Variants in ATL3 observed in about 807,000 individuals in gnomAD.
ATL3 encodes the protein atlastin GTPase 3.
ATL3 carries 49 observed loss-of-function variants against 69.5 expected under a neutral mutation model. The observed-to-expected ratio is 0.71, with a 90% CI of 0.56 to 0.89. ATL3 has a LOEUF of 0.89. Among genes scored for constraint, ATL3 ranks in the 40% least tolerant of loss-of-function variants. ATL3 has a pLI of 0.00. For missense variants in ATL3, 606 were observed against 645.7 expected (o/e 0.94, Z 0.67); for synonymous variants, 214 against 224.1 (o/e 0.95, Z 0.40).
intron 3 of ATL3, among the ~76,000 whole-genome samples, chr11:63,654,043 A>G (rs1201068856): frequency 6.6e-6 from 1 of 152,214 alleles, no homozygotes; most frequent in Non-Finnish European, 1.5e-5. Flanking sequence ...AATGTATCAC[A>G]CTATTACAAG....
chr11:63,666,006 G>T (rs1940562914), intron 1 of ATL3, among the ~76,000 whole-genome samples: 1 of 152,078 alleles, frequency 6.6e-6, no homozygotes, highest in Admixed American at 6.6e-5. Flanking sequence ...TTAAGACTGG[G>T]TCTCACTCTG....
intron 3 of ATL3, among the ~76,000 whole-genome samples, chr11:63,655,450 CTTTT>C (rs779379886): frequency 1.5e-5 from 2 of 135,032 alleles, no homozygotes; most frequent in African/African-American, 2.7e-5. Flanking sequence ...CGCATCTGGC[CTTTT>C]TTTTTTTTTT....
intron 12 of ATL3, among the ~76,000 whole-genome samples, chr11:63,630,266 A>C (rs1223077725): frequency 6.6e-6 from 1 of 151,312 alleles, no homozygotes; most frequent in South Asian, 2.1e-4. Context: ...AAAAAAAAAA[A>C]ATACAGAAAT....
rs945590831 is a variant in ATL3, at chr11:63,668,747, CTAAGAA to C, written c.46+2537_46+2542del. Among the ~76,000 whole-genome samples the C allele has an allele frequency of 4.7e-5, 7 of 148,318 alleles. No individual in the cohort carries two copies. The East Asian group carries it at 9.8e-4, about 21-fold the overall frequency. The stretch of plus-strand genomic sequence containing the variant: ...TCAGTAACACTTTTGTATCTCTTTC[CTAAGAA>C]TAAGAATGCCACCAAAGGTTTGAAT... On this transcript the variant is annotated intron_variant, in intron 1 of 12. Coordinates refer to ENST00000398868, the MANE Select transcript of ATL3 (RefSeq NM_015459.5).
intron 1 of ATL3, among the ~76,000 whole-genome samples, chr11:63,669,195 A>G (rs1283502245): frequency 6.6e-6 from 1 of 152,064 alleles, no homozygotes; most frequent in Non-Finnish European, 1.5e-5. Context: ...ATCTGTTAAC[A>G]TACTTCAGCT....
At chr11:63,646,478 T>C (rs377524926) in intron 6 of ATL3, 29 bp downstream of exon 6, 9 of 1,338,682 alleles carry the variant, frequency 6.7e-6, no homozygotes, top group Non-Finnish European at 9.2e-6. Context: ...AACAAAGGTA[T>C]GAATTATATT....
At chr11:63,669,968 T>C (rs1290354070) in intron 1 of ATL3, among the ~76,000 whole-genome samples, 1 of 150,810 alleles carries the variant, frequency 6.6e-6, no homozygotes. Flanking sequence ...TAGCCGCGCA[T>C]GGTGGAGAGC....
At chr11:63,632,668 G>A in intron 11 of ATL3, 25 of 1,178,166 alleles carry the variant, frequency 2.1e-5, no homozygotes, top group Non-Finnish European at 3.0e-5. Flanking sequence ...CGGCCTCTGA[G>A]TGATTTTGGA....
In ATL3 at chr11:63,652,550, T is replaced by C; in HGVS notation, c.431A>G (p.Gln144Arg). ...KKVAVVLMDT[Q>R]GAFDSQSTVK... The stretch of plus-strand genomic sequence containing the variant: ...AGTTGACTGGCTGTCAAATGCCCCC[T>C]GGGTATCCATCAGAACAACTGCAAC... Residue 144 changes from glutamine to arginine, a missense_variant, in exon 4 of 13, where the codon CAG (glutamine) becomes CGG (arginine). Transcript: ENST00000398868. The C allele has an allele frequency of 6.2e-7, 1 of 1,611,270 alleles. No individual in the cohort carries two copies. The highest frequency in any genetic ancestry group is 1.3e-5 in the African/African-American group (1 of 74,968).
chr11:63,659,549 G>A (rs1940360274), intron 1 of ATL3, among the ~76,000 whole-genome samples: 1 of 152,092 alleles, frequency 6.6e-6, no homozygotes, highest in South Asian at 2.1e-4. Flanking sequence ...CTTGAGCCCA[G>A]GGGTTTGAGG....
intron 3 of ATL3, among the ~76,000 whole-genome samples, chr11:63,654,851 C>T (rs1040431589): frequency 3.3e-5 from 5 of 151,204 alleles, no homozygotes; most frequent in African/African-American, 1.2e-4. Context: ...TGCACACCAC[C>T]ATACCCGGCT....
chr11:63,631,006 A>G (rs750605896), intron 12 of ATL3, 34 bp downstream of exon 12: 1 of 1,551,192 alleles, frequency 6.4e-7, no homozygotes, highest in Non-Finnish European at 8.7e-7. Context: ...TCTGCCCATT[A>G]TCAACCCTCA....
intron 10 of ATL3, among the ~76,000 whole-genome samples, chr11:63,633,992 G>A (rs1212107294): frequency 1.5e-5 from 2 of 134,742 alleles, no homozygotes; most frequent in East Asian, 2.2e-4. Context: ...CCGAGATCAC[G>A]CCACTGCACT....
intron 4 of ATL3, among the ~76,000 whole-genome samples, 170 bp from the exon 5 acceptor site, chr11:63,652,156 T>C (rs1468163692): frequency 6.6e-6 from 1 of 152,202 alleles, no homozygotes; most frequent in African/African-American, 2.4e-5. Flanking sequence ...GCACATAAGA[T>C]TGAAATCAAA....
intron 1 of ATL3, among the ~76,000 whole-genome samples, chr11:63,665,052 T>C (rs1311143935): frequency 6.6e-6 from 1 of 152,122 alleles, no homozygotes; most frequent in Admixed American, 6.5e-5. Flanking sequence ...ATGATAAGAA[T>C]GTATACAGTT....
intron 10 of ATL3, 149 bp downstream of exon 10, chr11:63,635,385 T>C (rs1477841344): frequency 6.1e-6 from 4 of 660,562 alleles, no homozygotes; most frequent in East Asian, 3.0e-5. Context: ...GCCACACTAC[T>C]GCAAAATGTG....
chr11:63,632,621 T>C (rs898949443), intron 11 of ATL3: 9 of 908,922 alleles, frequency 9.9e-6, no homozygotes, highest in South Asian at 1.3e-5. Context: ...ACCTATTCCA[T>C]ATGAACTAAT....
chr11:63,665,725 C>T (rs1487303446), intron 1 of ATL3, among the ~76,000 whole-genome samples: 2 of 151,996 alleles, frequency 1.3e-5, no homozygotes, highest in African/African-American at 2.4e-5. Context: ...CCCATCTCTA[C>T]TAAAAATATG....
intron 1 of ATL3, among the ~76,000 whole-genome samples, chr11:63,660,277 C>A (rs1590743198): frequency 6.6e-6 from 1 of 152,064 alleles, no homozygotes; most frequent in African/African-American, 2.4e-5. Flanking sequence ...AAAAAAATAA[C>A]AGGCACTTTG....
Sources: allele counts gnomAD v4.1 joint callset (sites outside exome capture counted in the v4.1 genomes callset), GRCh38; gene constraint gnomAD v4.1.1; transcripts MANE v1.5; gene names NCBI Gene and HGNC (gene_info 2026-07-23, HGNC 2026-07-21).